Variants in VWA3B observed in about 807,000 individuals in gnomAD.
VWA3B encodes the protein von Willebrand factor A domain containing 3B.
VWA3B carries 138 observed loss-of-function variants against 158.3 expected under a neutral mutation model. The observed-to-expected ratio is 0.87, with a 90% confidence interval of 0.76 to 1.00. The LOEUF (loss-of-function observed/expected upper bound fraction) is 1.00, where lower values mean the gene tolerates loss of function less well. Among genes scored for constraint, VWA3B ranks in the 50% least tolerant of loss-of-function variants. The pLI is 0.00. For synonymous variants in VWA3B, 596 were observed against 587.3 expected, an observed-to-expected ratio of 1.01 and a Z score of -0.21; for missense variants, 1,555 against 1,565.1, an observed-to-expected ratio of 0.99 and a Z score of 0.11.
chr2:98,236,800 AT>A, intron 19 of VWA3B, 70 bp downstream of exon 19: 1 of 1,537,320 alleles, frequency 6.5e-7, no homozygotes, highest in East Asian at 2.3e-5. Flanking sequence ...AAGTAGTCCA[AT>A]TTCTTGTGTG....
intron 7 of VWA3B, among the ~76,000 whole-genome samples, chr2:98,144,385 CT>C (rs796096873): frequency 7.6e-4 from 110 of 145,504 alleles, no homozygotes; most frequent in Middle Eastern, 3.4e-3. Context: ...CTAATTCCTA[CT>C]TTTTTTTTTT....
At chr2:98,247,276 G>A (rs1686462591) in intron 19 of VWA3B, among the ~76,000 whole-genome samples, 1 of 152,068 alleles carries the variant, frequency 6.6e-6, no homozygotes. Flanking sequence ...GGGATTACAG[G>A]TGTGAGCCAC....
At chr2:98,286,954 G>A (rs1689197865) in intron 22 of VWA3B, among the ~76,000 whole-genome samples, 1 of 152,074 alleles carries the variant, frequency 6.6e-6, no homozygotes, top group Admixed American at 6.6e-5. Context: ...GAAAGGGAGA[G>A]AGAGAGAGAA....
intron 15 of VWA3B, 146 bp from the exon 16 acceptor site, chr2:98,229,904 T>A: frequency 1.1e-6 from 1 of 903,202 alleles, no homozygotes. Context: ...TAAATGACTA[T>A]TTTTATATTA....
chr2:98,293,778 A>G (rs79477171), intron 23 of VWA3B, among the ~76,000 whole-genome samples: 4,902 of 152,266 alleles, frequency 0.032, 246 homozygotes, highest in East Asian at 0.17. Context: ...AATTCAAAAA[A>G]CGTAACACTA....
intron 21 of VWA3B, 25 bp downstream of exon 21, chr2:98,256,199 C>CTTTT (rs113487988): frequency 7.8e-6 from 11 of 1,412,618 alleles, no homozygotes; most frequent in Admixed American, 1.9e-5. Flanking sequence ...TCCCTCCTCA[C>CTTTT]TTTTTTTTTT....
At chr2:98,328,700 G>C in the VWA3B span, among the ~76,000 whole-genome samples, 2 of 152,086 alleles carry the variant, frequency 1.3e-5, no homozygotes, top group African/African-American at 2.4e-5. Context: ...AAAATAAGTA[G>C]ATAAATCAAG....
At chr2:98,162,330 A>G (rs1162138981) in intron 7 of VWA3B, among the ~76,000 whole-genome samples, 1 of 152,206 alleles carries the variant, frequency 6.6e-6, no homozygotes, top group African/African-American at 2.4e-5. Context: ...AAAAAGTGTT[A>G]TAGAGTCAAA....
At chr2:98,310,363 C>G (rs1414215525) in intron 26 of VWA3B, among the ~76,000 whole-genome samples, 1 of 152,206 alleles carries the variant, frequency 6.6e-6, no homozygotes, top group Non-Finnish European at 1.5e-5. Context: ...AGAAGTGGAA[C>G]CAGCACAGCG....
At chr2:98,148,051 A>G (rs1677318379) in intron 7 of VWA3B, among the ~76,000 whole-genome samples, 1 of 152,026 alleles carries the variant, frequency 6.6e-6, no homozygotes, top group African/African-American at 2.4e-5. Flanking sequence ...ATCCTTTTTT[A>G]TGGCTGCATA....
Position 98,223,021 on chromosome 2 carries a change from T to C in VWA3B, c.2019+4993T>C, listed in dbSNP as rs1684637023. ...TGCCAACACTGAGATGAATCATATGTTGGAATGACCTGCAAGGATTTTAAA... is the reference window on the plus strand; with the variant it reads ...TGCCAACACTGAGATGAATCATATGCTGGAATGACCTGCAAGGATTTTAAA... On this transcript the variant is annotated intron_variant, in intron 14 of 27. Transcript: ENST00000477737. Among the ~76,000 whole-genome samples the C allele has an allele frequency of 3.3e-5, 5 of 152,114 alleles. No homozygotes were observed. The South Asian group carries it at 1.0e-3, about 32-fold the overall frequency.
chr2:98,238,482 T>C (rs2105746196), intron 19 of VWA3B, among the ~76,000 whole-genome samples: 1 of 152,290 alleles, frequency 6.6e-6, no homozygotes, highest in Non-Finnish European at 1.5e-5. Flanking sequence ...CGAAATATAT[T>C]TAGTGAACTC....
chr2:98,166,451 C>T (rs547764784), intron 8 of VWA3B, among the ~76,000 whole-genome samples: 171 of 152,250 alleles, frequency 1.1e-3, no homozygotes, highest in Non-Finnish European at 2.0e-3. Flanking sequence ...GAGACACCTG[C>T]GAGCCCTCTC....
intron 9 of VWA3B, among the ~76,000 whole-genome samples, chr2:98,186,900 C>CT (rs1681113761): frequency 6.6e-6 from 1 of 152,176 alleles, no homozygotes; most frequent in African/African-American, 2.4e-5. Context: ...TTTCCGACAG[C>CT]TGTCAGGCTT....
At chr2:98,326,214 A>G in the VWA3B span, among the ~76,000 whole-genome samples, 1 of 152,220 alleles carries the variant, frequency 6.6e-6, no homozygotes, top group African/African-American at 2.4e-5. Flanking sequence ...CAAAGGGGTT[A>G]TCACTACTAG....
rs1044601825 is a variant in VWA3B at position 98,125,829 on chromosome 2, A to G, written c.703-2410A>G. Among the ~76,000 whole-genome samples the G allele has an allele frequency of 6.6e-6, 1 of 152,036 alleles. No homozygotes were observed. The highest frequency in any genetic ancestry group is 2.4e-5 in the African/African-American group (1 of 41,386). ...CAGGCGCCTGCCACCACATCCGGCT[A>G]ATTTTTCTGTATTTTTAGTAGAGAC... On this transcript the variant is annotated intron_variant, in intron 5 of 27. Coordinates refer to ENST00000477737, the MANE Select transcript of VWA3B (RefSeq NM_144992.5). This position sits in a 1 kb window ranked among gnomAD's most constrained non-coding sequence, Gnocchi z 4.1.
At chr2:98,114,029 T>C (rs1381054467) in intron 2 of VWA3B, among the ~76,000 whole-genome samples, 1 of 152,252 alleles carries the variant, frequency 6.6e-6, no homozygotes, top group Non-Finnish European at 1.5e-5. Context: ...CTTTTTAGGA[T>C]GGATGCCATT....
chr2:98,121,491 T>G, intron 5 of VWA3B, 33 bp downstream of exon 5: 1 of 1,601,744 alleles, frequency 6.2e-7, no homozygotes, highest in Non-Finnish European at 8.5e-7. Flanking sequence ...CCCCAGGCCA[T>G]GGAGGTGGCT....
chr2:98,188,587 T>C (rs1681323539), intron 10 of VWA3B, among the ~76,000 whole-genome samples: 1 of 152,182 alleles, frequency 6.6e-6, no homozygotes, highest in Admixed American at 6.5e-5. Context: ...AATGAGAACA[T>C]GTGGTATTTA....
Sources: gnomAD v4.1 joint callset for allele counts (sites outside exome capture counted in the v4.1 genomes callset) on GRCh38, gnomAD v4.1.1 for gene constraint, Gnocchi (gnomAD v3.1) non-coding constraint, MANE v1.5 for transcripts, NCBI Gene and HGNC (gene_info 2026-07-23, HGNC 2026-07-21) for gene names.